BCKDHB: variants seen among roughly 807,000 people sequenced by gnomAD.
BCKDHB encodes the protein branched chain keto acid dehydrogenase E1 subunit beta, also known as 2-oxoisovalerate dehydrogenase subunit beta, mitochondrial.
A neutral mutation model predicts 48.5 loss-of-function variants in BCKDHB; 41 were observed. That is an observed-to-expected ratio of 0.85 (90% CI 0.66 to 1.10). The LOEUF is 1.10. Ranked by LOEUF, BCKDHB falls within the 50% of genes least tolerant of loss-of-function variation. The pLI, the probability that BCKDHB is intolerant of heterozygous loss-of-function variation, is 0.00. For synonymous variants in BCKDHB, 201 were observed against 174.8 expected (o/e 1.15, Z -1.18); for missense variants, 496 against 494.2 (o/e 1.00, Z -0.03).
At chr6:80,242,211 A>T (rs1427159398) in intron 8 of BCKDHB, among the ~76,000 whole-genome samples, 4 of 152,164 alleles carry the variant, frequency 2.6e-5, no homozygotes, top group Admixed American at 2.6e-4. Flanking sequence ...AGTCACCTTT[A>T]ATCATACTTG....
intron 8 of BCKDHB, among the ~76,000 whole-genome samples, chr6:80,230,750 G>A (rs550584732): frequency 5.1e-4 from 77 of 152,266 alleles, no homozygotes; most frequent in African/African-American, 1.8e-3. Context: ...GCTGTGCCAT[G>A]ATGAAGGAAA....
intron 8 of BCKDHB, among the ~76,000 whole-genome samples, chr6:80,264,443 G>A (rs1261280587): frequency 6.6e-6 from 1 of 152,112 alleles, no homozygotes; most frequent in Non-Finnish European, 1.5e-5. Flanking sequence ...GCACAATATG[G>A]AGCAAAGCTA....
intron 9 of BCKDHB, among the ~76,000 whole-genome samples, chr6:80,313,224 C>T (rs1240941392): frequency 1.3e-5 from 2 of 152,132 alleles, no homozygotes; most frequent in Non-Finnish European, 2.9e-5. Context: ...TAGAAGTGTT[C>T]ATAGTATTCT....
chr6:80,254,277 CAT>C (rs1469123400), intron 8 of BCKDHB, among the ~76,000 whole-genome samples: 4 of 151,684 alleles, frequency 2.6e-5, no homozygotes, highest in African/African-American at 4.8e-5. Context: ...TCTTTTTTCA[CAT>C]GTCATAGTTT....
the BCKDHB span, among the ~76,000 whole-genome samples, chr6:80,438,022 G>C: frequency 6.6e-6 from 1 of 152,038 alleles, no homozygotes; most frequent in Non-Finnish European, 1.5e-5. Flanking sequence ...CGCTTATTAC[G>C]CACTGGATAA....
the BCKDHB span, among the ~76,000 whole-genome samples, chr6:80,382,328 TAAC>T: frequency 0.054 from 8,200 of 152,192 alleles, 606 homozygotes; most frequent in African/African-American, 0.16. Context: ...AGCATTGAAA[TAAC>T]AAATGACATT....
intron 6 of BCKDHB, among the ~76,000 whole-genome samples, chr6:80,200,323 A>C (rs1774330094): frequency 6.6e-6 from 1 of 152,028 alleles, no homozygotes; most frequent in African/African-American, 2.4e-5. Flanking sequence ...TTGAAAAGTA[A>C]GGTGTTGTCA....
At chr6:80,150,800 G>T (rs1406266563) in intron 3 of BCKDHB, among the ~76,000 whole-genome samples, 1 of 151,722 alleles carries the variant, frequency 6.6e-6, no homozygotes, top group African/African-American at 2.4e-5. Flanking sequence ...CAGGTGACCA[G>T]CCTGCCTTAG....
chr6:80,255,014 A>G (rs960974940), intron 8 of BCKDHB, among the ~76,000 whole-genome samples: 2 of 152,232 alleles, frequency 1.3e-5, no homozygotes, highest in Non-Finnish European at 2.9e-5. Context: ...TCATTGTTAG[A>G]ACAATGCTTT....
In BCKDHB at chr6:80,302,413, C is replaced by G. The variant is rs993104473; in HGVS notation, c.1038+29192C>G. ...AAAACAACTTTTAGATTTTTTCTTA[C>G]AAATTTTTGCAATGATGTTGTGAGG... On this transcript the variant is annotated intron_variant, in intron 9 of 9. Transcript: ENST00000320393. Among the ~76,000 whole-genome samples, 13 of 152,088 alleles carry G rather than the reference C, an allele frequency of 8.5e-5. No homozygotes were observed. In the East Asian group the frequency reaches 2.5e-3, roughly 29 times the overall value.
the BCKDHB span, among the ~76,000 whole-genome samples, chr6:80,407,525 T>C: frequency 6.6e-6 from 1 of 152,226 alleles, no homozygotes; most frequent in Non-Finnish European, 1.5e-5. Context: ...TGTCTTCTTT[T>C]ATTTCATTGA....
intron 1 of BCKDHB, among the ~76,000 whole-genome samples, chr6:80,124,593 G>A (rs1770237233): frequency 6.6e-6 from 1 of 152,136 alleles, no homozygotes; most frequent in African/African-American, 2.4e-5. Flanking sequence ...CATATATTTA[G>A]GATAGTTAGC....
At chr6:80,423,204 C>T in the BCKDHB span, among the ~76,000 whole-genome samples, 16 of 152,266 alleles carry the variant, frequency 1.1e-4, no homozygotes, top group African/African-American at 3.1e-4. Context: ...CTCTATCCTG[C>T]CACCTTGCGA....
intron 8 of BCKDHB, among the ~76,000 whole-genome samples, chr6:80,237,003 A>G (rs142005129): frequency 6.6e-6 from 1 of 152,350 alleles, no homozygotes; most frequent in African/African-American, 2.4e-5. Flanking sequence ...ACAAAAGAAT[A>G]AGGAAATATA....
intron 6 of BCKDHB, among the ~76,000 whole-genome samples, chr6:80,187,325 T>C (rs1004053271): frequency 2.6e-5 from 4 of 152,216 alleles, no homozygotes; most frequent in Admixed American, 6.5e-5. Flanking sequence ...TTGTTGCTAT[T>C]ATTATCATAT....
At chr6:80,362,188 T>G in the BCKDHB span, among the ~76,000 whole-genome samples, 51 of 152,134 alleles carry the variant, frequency 3.4e-4, no homozygotes, top group African/African-American at 1.2e-3. Context: ...TGCTTATTTC[T>G]TCTCTGTGAT....
chr6:80,324,136 G>GA (rs938636330), intron 9 of BCKDHB, among the ~76,000 whole-genome samples: 3 of 152,206 alleles, frequency 2.0e-5, no homozygotes, highest in East Asian at 1.9e-4. Context: ...AGGCAGCTCA[G>GA]AAAAAAATCA....
chr6:80,364,352 A>C, the BCKDHB span, among the ~76,000 whole-genome samples: 1 of 152,174 alleles, frequency 6.6e-6, no homozygotes, highest in African/African-American at 2.4e-5. Flanking sequence ...GGGAGGCACA[A>C]ATCATTCAAT....
chr6:80,209,008 A>G (rs1483223896), intron 8 of BCKDHB, among the ~76,000 whole-genome samples: 1 of 151,920 alleles, frequency 6.6e-6, no homozygotes, highest in Non-Finnish European at 1.5e-5. Context: ...AATGTTCATA[A>G]ATATTCACAA....
Sources: gnomAD v4.1 joint callset for allele counts (sites outside exome capture counted in the v4.1 genomes callset) on GRCh38, gnomAD v4.1.1 for gene constraint, MANE v1.5 for transcripts, NCBI Gene and HGNC (gene_info 2026-07-23, HGNC 2026-07-21) for gene names.